DGKD: variants seen among roughly 807,000 people sequenced by gnomAD.
DGKD encodes diacylglycerol kinase delta, also known as DAG kinase delta.
Under a neutral mutation model 154.4 loss-of-function variants are expected in DGKD, and 68 were observed. That is an observed-to-expected ratio of 0.44 (90% CI 0.36 to 0.54). The LOEUF (loss-of-function observed/expected upper bound fraction) is 0.54, where lower values mean the gene tolerates loss of function less well. Ranked by LOEUF, DGKD falls within the 20% of genes least tolerant of loss-of-function variation. DGKD has a pLI of 0.00. For synonymous variants in DGKD, 693 were observed against 638.0 expected (o/e 1.09, Z -1.30); for missense variants, 1,343 against 1,593.6 (o/e 0.84, Z 2.68).
chr2:233,461,161 C>T (rs994542379), intron 24 of DGKD, among the ~76,000 whole-genome samples: 1 of 152,352 alleles, frequency 6.6e-6, no homozygotes, highest in East Asian at 1.9e-4. Context: ...GTGCGGGTTC[C>T]GCCTGTGAGT....
At position 233,448,105 on chromosome 2, in the gene DGKD, T is replaced by C; in HGVS notation, c.1438T>C (p.Tyr480His). The C allele has an allele frequency of 1.2e-6, 2 of 1,614,110 alleles. No individual in the cohort carries two copies. The highest frequency in any genetic ancestry group is 1.7e-6 in the Non-Finnish European group (2 of 1,180,032). Residue 480 changes from tyrosine to histidine, a missense_variant, in exon 13 of 30, where the codon TAT (tyrosine) becomes CAT (histidine). Physicochemically the swap from Tyr to His is moderately conservative, Grantham distance 83 (BLOSUM62 2). Coordinates refer to ENST00000264057, the MANE Select transcript of DGKD (RefSeq NM_152879.3). ...ATTGCAGGTACAGCAGATTCTCTTC[T>C]ATGAAGACTCGGTTGCAGCCCACCT... ...EDSEVQQILF[Y>H]EDSVAAHLSK...
intron 3 of DGKD, among the ~76,000 whole-genome samples, chr2:233,417,481 C>T (rs981254108): frequency 7.9e-5 from 12 of 152,202 alleles, no homozygotes; most frequent in Non-Finnish European, 1.6e-4. Flanking sequence ...CCTGCCCCAG[C>T]TTACCTATTC....
chr2:233,447,689 G>C lies in DGKD; in HGVS notation c.1420-398G>C, dbSNP rs898427024. On this transcript the variant is annotated intron_variant, in intron 12 of 29. Transcript: ENST00000264057. ...CAGAACAGATGGTGGGGGCAGGAGT[G>C]TGTGTCCAGATGGGGCTCACAGCCA... 3 of 1,073,122 alleles carry C rather than the reference G, an allele frequency of 2.8e-6. No individual in the cohort carries two copies. The African/African-American group carries it at 5.1e-5, about 18-fold the overall frequency. 66.5% of individuals were successfully genotyped at this position (1,073,122 alleles called of 1,614,324 possible). A position where few individuals can be genotyped will look rare whatever the true frequency, so the allele number is the denominator to read the frequency against.
At chr2:233,435,979 G>A (rs2125593261) in intron 6 of DGKD, 55 bp downstream of exon 6, 12 of 1,513,062 alleles carry the variant, frequency 7.9e-6, no homozygotes, top group South Asian at 2.5e-5. Context: ...CCACCTGCAC[G>A]GCCCCATGCA....
intron 16 of DGKD, 77 bp downstream of exon 16, chr2:233,450,208 G>A: frequency 2.0e-6 from 3 of 1,472,134 alleles, no homozygotes; most frequent in Admixed American, 2.5e-5. Flanking sequence ...TGCCAGGGGA[G>A]GTTTTAGGGC....
intron 3 of DGKD, among the ~76,000 whole-genome samples, chr2:233,417,618 C>G (rs2061991071): frequency 1.3e-5 from 2 of 152,044 alleles, no homozygotes; most frequent in African/African-American, 4.8e-5. Flanking sequence ...TTTTTAATTC[C>G]CCTTTTAATA....
chr2:233,467,525 A>G (rs1009667565), intron 28 of DGKD, among the ~76,000 whole-genome samples: 5 of 152,186 alleles, frequency 3.3e-5, no homozygotes, highest in African/African-American at 1.2e-4. Flanking sequence ...CTCTGGACTC[A>G]GGCCGTGCTG....
chr2:233,367,671 G>A (rs1166707441), intron 1 of DGKD, among the ~76,000 whole-genome samples: 2 of 152,044 alleles, frequency 1.3e-5, no homozygotes, highest in Non-Finnish European at 2.9e-5. Flanking sequence ...GAAGTAAGCA[G>A]TTTCAAAGAC....
chr2:233,446,672 G>A (rs746231768), intron 11 of DGKD, 40 bp from the exon 12 acceptor site: 1 of 1,603,794 alleles, frequency 6.2e-7, no homozygotes, highest in Non-Finnish European at 8.5e-7. Context: ...TTGTGGGCCT[G>A]CACGTCTTGC....
intron 3 of DGKD, among the ~76,000 whole-genome samples, chr2:233,410,677 C>T (rs1460732341): frequency 6.6e-6 from 1 of 152,184 alleles, no homozygotes; most frequent in Non-Finnish European, 1.5e-5. Flanking sequence ...TCTTTAATGA[C>T]TATTCTAATA....
At chr2:233,370,950 C>G (rs890456015) in intron 1 of DGKD, among the ~76,000 whole-genome samples, 9 of 152,022 alleles carry the variant, frequency 5.9e-5, no homozygotes, top group African/African-American at 2.2e-4. Context: ...TGAGGTCTTG[C>G]TGTGTTATCC....
chr2:233,471,089 C>T lies in DGKD; in HGVS notation c.*1629C>T, dbSNP rs1038788658. The stretch of plus-strand genomic sequence containing the variant: ...CCTCTGCAGTGCACCCAGGTGGGCC[C>T]CTCTGCGTGCCTTTGGGTGCTCCCC... On this transcript the variant is annotated 3_prime_UTR_variant, in exon 30 of 30. Transcript: ENST00000264057. The T allele has an allele frequency of 6.6e-6, 1 of 152,412 alleles. No individual in the cohort carries two copies. Among genetic ancestry groups the T allele is most frequent in the Non-Finnish European group, 1.5e-5 (1 of 68,150 alleles). 9.4% of individuals were successfully genotyped at this position (152,412 alleles called of 1,614,324 possible).
At chr2:233,429,979 C>T (rs574056573) in intron 3 of DGKD, among the ~76,000 whole-genome samples, 1 of 152,350 alleles carries the variant, frequency 6.6e-6, no homozygotes, top group South Asian at 2.1e-4. Flanking sequence ...GAGCCAGAAA[C>T]ATGGTCATTT....
intron 3 of DGKD, among the ~76,000 whole-genome samples, chr2:233,431,924 C>T (rs1406466918): frequency 2.6e-5 from 4 of 152,182 alleles, no homozygotes; most frequent in African/African-American, 9.7e-5. Flanking sequence ...TTGAGTAATT[C>T]CCACAAGCAC....
At chr2:233,444,561 C>T (rs1046065602) in intron 10 of DGKD, among the ~76,000 whole-genome samples, 4 of 150,822 alleles carry the variant, frequency 2.7e-5, no homozygotes, top group Admixed American at 1.3e-4. Flanking sequence ...GCCTGCTGTG[C>T]GCTGCTCTCC....
In DGKD at chr2:233,435,929, G is replaced by C; in HGVS notation, c.693+5G>C. Reference sequence around the variant, plus strand: ...ATCATTGAAGATGCAGATGGGGTATGTTAAGAAATACCACCTGTGGGGCCC... The same window carrying C: ...ATCATTGAAGATGCAGATGGGGTATCTTAAGAAATACCACCTGTGGGGCCC... On this transcript the variant is annotated splice_donor_5th_base_variant and intron_variant, in intron 6 of 29. Coordinates refer to ENST00000264057, the MANE Select transcript of DGKD (RefSeq NM_152879.3). 3 of 1,603,566 alleles carry C rather than the reference G, an allele frequency of 1.9e-6. No homozygotes were observed. The highest frequency in any genetic ancestry group is 2.6e-6 in the Non-Finnish European group (3 of 1,175,074).
At position 233,446,646 on chromosome 2, in the gene DGKD, G is replaced by A. The variant is rs780258337; in HGVS notation, c.1335-66G>A. 35 of 1,519,128 alleles carry A rather than the reference G, an allele frequency of 2.3e-5. No individual in the cohort carries two copies. In the Middle Eastern group the frequency reaches 5.2e-4, roughly 23 times the overall value. 94.1% of individuals were successfully genotyped at this position (1,519,128 alleles called of 1,614,324 possible). ...AAGGCTGCCAGCCGTGAAAGCGGAC[G>A]GCGCAGGGTTCACCCTTGTGGGCCT... On this transcript the variant is annotated intron_variant, in intron 11 of 29. Transcript: ENST00000264057.
At chr2:233,451,166 A>G (rs2124877872) in intron 17 of DGKD, 116 bp downstream of exon 17, 2 of 699,194 alleles carry the variant, frequency 2.9e-6, no homozygotes, top group East Asian at 9.5e-5. Context: ...TGAGAAAGAT[A>G]GGTGGAATTG....
At chr2:233,402,336 T>C (rs1362296842) in intron 3 of DGKD, among the ~76,000 whole-genome samples, 2 of 152,196 alleles carry the variant, frequency 1.3e-5, no homozygotes, top group East Asian at 3.9e-4. Context: ...GACCCCCTTC[T>C]TGAGGGTACT....
Sources: gnomAD v4.1 joint callset for allele counts (sites outside exome capture counted in the v4.1 genomes callset) on GRCh38, gnomAD v4.1.1 for gene constraint, MANE v1.5 for transcripts, NCBI Gene and HGNC (gene_info 2026-07-23, HGNC 2026-07-21) for gene names.